The following ZC3H12B variants were observed in gnomAD, a reference collection of about 807,000 sequenced individuals.
ZC3H12B encodes the protein probable ribonuclease ZC3H12B.
A neutral mutation model predicts 43.9 loss-of-function variants in ZC3H12B; 7 were observed. The ratio of observed to expected loss-of-function variants is 0.16; its 90% CI spans 0.09 to 0.30. The LOEUF (loss-of-function observed/expected upper bound fraction) is 0.30. Among genes scored for constraint, ZC3H12B ranks in the 10% least tolerant of loss-of-function variants. The pLI, the probability that ZC3H12B is intolerant of heterozygous loss-of-function variation, is 1.00. For synonymous variants in ZC3H12B, 222 were observed against 241.7 expected (o/e 0.92, Z 0.76); for missense variants, 475 against 670.2 (o/e 0.71, Z 3.22).
chrX:65,243,476 C>T, the ZC3H12B span, among the ~76,000 whole-genome samples: 1 of 111,922 alleles, frequency 8.9e-6, no homozygotes, highest in South Asian at 3.7e-4. Flanking sequence ...ACAAGAGATG[C>T]TGGCAAGGAT....
the ZC3H12B span, among the ~76,000 whole-genome samples, chrX:65,254,336 G>A: frequency 8.9e-6 from 1 of 112,416 alleles, no homozygotes; most frequent in African/African-American, 3.2e-5. Flanking sequence ...CTGGAAACAT[G>A]TCAACCCTTC....
chrX:65,362,198 C>T (rs992965715), upstream of ZC3H12B, among the ~76,000 whole-genome samples: 10 of 111,670 alleles, frequency 9.0e-5, no homozygotes, highest in Admixed American at 7.6e-4. Context: ...TGACACTGCC[C>T]GATCGCCTCA....
chrX:65,331,700 A>G, the ZC3H12B span, among the ~76,000 whole-genome samples: 2 of 110,790 alleles, frequency 1.8e-5, no homozygotes, highest in African/African-American at 6.6e-5. Context: ...ATTTATTATT[A>G]CTTCTTGATT....
rs988099115 is a variant in ZC3H12B, at chrX:65,489,023, C to T, written c.222C>T (p.Ser74=). 2.5e-6 allele frequency: 3 copies of T among 1,209,790 alleles called. No individual in the cohort carries two copies. In the African/African-American group the frequency reaches 5.2e-5, roughly 21 times the overall value. Residue 74 remains serine (S), a synonymous_variant, in exon 1 of 5, where the codon TCC becomes TCT. Transcript: ENST00000338957. ...AGTTGAAGAAAAAGGAGATGCACTC[C>T]AAGCCACACCGCCAGCTCTGTCGAT...
chrX:65,204,137 A>G, the ZC3H12B span, among the ~76,000 whole-genome samples: 6 of 111,427 alleles, frequency 5.4e-5, no homozygotes, highest in Admixed American at 5.7e-4. Flanking sequence ...GTCAATTCAA[A>G]ACTGTATTTT....
chrX:65,436,642 C>A (rs2067225124), intron 3 of ZC3H12B, among the ~76,000 whole-genome samples: 1 of 111,721 alleles, frequency 9.0e-6, no homozygotes, highest in East Asian at 2.8e-4. Context: ...CGATTTTTCT[C>A]CTGCTGCTTT....
At chrX:65,487,860 C>T (rs1370095974), upstream of ZC3H12B, among the ~76,000 whole-genome samples, 1 of 111,678 alleles carries the variant, frequency 9.0e-6, no homozygotes, top group African/African-American at 3.2e-5. Context: ...CGCTGGAGAG[C>T]ATGTGCTTTT....
intron 2 of ZC3H12B, among the ~76,000 whole-genome samples, chrX:65,382,843 C>G (rs905631277): frequency 9.0e-6 from 1 of 111,326 alleles, no homozygotes; most frequent in Non-Finnish European, 1.9e-5. Context: ...TGAGTGAACT[C>G]CCATTCACAA....
chrX:65,435,106 G>C (rs915884870), intron 3 of ZC3H12B, among the ~76,000 whole-genome samples: 2 of 111,639 alleles, frequency 1.8e-5, no homozygotes, highest in Non-Finnish European at 3.8e-5. Context: ...CAATTTGCAT[G>C]ATGAGGAACT....
chrX:65,369,511 C>T (rs2066217211), intron 2 of ZC3H12B, among the ~76,000 whole-genome samples: 1 of 111,333 alleles, frequency 9.0e-6, no homozygotes, highest in Non-Finnish European at 1.9e-5. Context: ...AAAACTGTGA[C>T]TATCATTTCA....
At chrX:65,155,735 C>G in the ZC3H12B span, among the ~76,000 whole-genome samples, 1 of 110,656 alleles carries the variant, frequency 9.0e-6, no homozygotes, top group Non-Finnish European at 1.9e-5. Context: ...TGGCAGGTGC[C>G]TGAAGTACCA....
At chrX:65,447,558 G>A (rs901564003) in intron 3 of ZC3H12B, among the ~76,000 whole-genome samples, 1 of 111,685 alleles carries the variant, frequency 9.0e-6, no homozygotes, top group African/African-American at 3.3e-5. Context: ...GACCCCAAAA[G>A]CAAATCCAAC....
At chrX:65,050,018 AT>A in the ZC3H12B span, among the ~76,000 whole-genome samples, 1 of 111,185 alleles carries the variant, frequency 9.0e-6, no homozygotes, top group South Asian at 3.7e-4. Context: ...ATATTTTGAA[AT>A]TTTTATTAAG....
At chrX:65,230,828 A>C in the ZC3H12B span, among the ~76,000 whole-genome samples, 1 of 111,617 alleles carries the variant, frequency 9.0e-6, no homozygotes, top group African/African-American at 3.3e-5. Context: ...TGAACATCAA[A>C]AATTTTTCTG....
the ZC3H12B span, among the ~76,000 whole-genome samples, chrX:65,195,851 T>C: frequency 8.9e-6 from 1 of 112,560 alleles, no homozygotes; most frequent in African/African-American, 3.2e-5. Context: ...CAGAAGTTTA[T>C]TGCCCCCAAA....
At chrX:65,439,310 G>A (rs972770953) in intron 3 of ZC3H12B, among the ~76,000 whole-genome samples, 4 of 111,750 alleles carry the variant, frequency 3.6e-5, no homozygotes, top group Non-Finnish European at 5.6e-5. Context: ...AAGAACTTTT[G>A]CCATACTTCT....
chrX:65,228,414 C>T, the ZC3H12B span, among the ~76,000 whole-genome samples: 103 of 111,274 alleles, frequency 9.3e-4, no homozygotes, highest in African/African-American at 3.3e-3. Context: ...ATGAAAAACC[C>T]ACAGCCAATA....
chrX:65,348,260 G>A, the ZC3H12B span, among the ~76,000 whole-genome samples: 1 of 111,338 alleles, frequency 9.0e-6, no homozygotes, highest in Non-Finnish European at 1.9e-5. Context: ...AAATTTCTAG[G>A]CATAAAAAAA....
At chrX:65,256,981 A>G in the ZC3H12B span, among the ~76,000 whole-genome samples, 1 of 112,259 alleles carries the variant, frequency 8.9e-6, no homozygotes, top group Non-Finnish European at 1.9e-5. Context: ...GTGGAGAAAT[A>G]GGAACACTTT....
Sources: allele counts gnomAD v4.1 joint callset (sites outside exome capture counted in the v4.1 genomes callset), GRCh38; gene constraint gnomAD v4.1.1; transcripts MANE v1.5; gene names NCBI Gene and HGNC (gene_info 2026-07-23, HGNC 2026-07-21).